CMIP: variants seen among roughly 807,000 people sequenced by gnomAD.
CMIP encodes C-Maf-inducing protein.
In CMIP, 13 loss-of-function variants were observed where a neutral mutation model predicts 97.3. The ratio of observed to expected loss-of-function variants is 0.13; its 90% CI spans 0.09 to 0.21. The LOEUF is 0.21. Among genes scored for constraint, CMIP ranks in the 10% least tolerant of loss-of-function variants. The pLI is 1.00. For synonymous variants in CMIP, 538 were observed against 436.3 expected (o/e 1.23, Z -2.91); for missense variants, 847 against 1,024.9 (o/e 0.83, Z 2.37).
At chr16:81,516,076 A>C (rs74029168) in intron 1 of CMIP, among the ~76,000 whole-genome samples, 1 of 152,058 alleles carries the variant, frequency 6.6e-6, no homozygotes, top group African/African-American at 2.4e-5. Flanking sequence ...GGGTTGCTCC[A>C]TTGCCCCCGT....
chr16:81,513,897 C>T (rs2089860472), intron 1 of CMIP, among the ~76,000 whole-genome samples: 1 of 152,254 alleles, frequency 6.6e-6, no homozygotes, highest in South Asian at 2.1e-4. Flanking sequence ...TGCTGCGCTT[C>T]CCTCAGCCTA....
intron 15 of CMIP, 137 bp from the exon 16 acceptor site, chr16:81,701,523 C>G: frequency 8.2e-7 from 1 of 1,218,732 alleles, no homozygotes; most frequent in South Asian, 1.3e-5. Context: ...GTGATTTGCC[C>G]AGGCTTACAC....
rs185785462 is a variant in CMIP at position 81,690,090 on chromosome 16, A to T, written c.1389-1685A>T. 6.6e-3 allele frequency among the ~76,000 whole-genome samples: 1,009 copies of T among 152,310 alleles called. 15 individuals are homozygous for T. The highest frequency in any genetic ancestry group is 0.023 in the African/African-American group (962 of 41,558). On this transcript the variant is annotated intron_variant, in intron 10 of 20. Transcript: ENST00000537098. Reference sequence around the variant, plus strand: ...GTAGAGTTTGAAGTCAGGTAGCGTGATGCCTCTAGCTTTGTTCTTTTGGCT... The same window carrying T: ...GTAGAGTTTGAAGTCAGGTAGCGTGTTGCCTCTAGCTTTGTTCTTTTGGCT...
intron 18 of CMIP, 69 bp from the exon 19 acceptor site, chr16:81,705,430 C>G: frequency 8.7e-7 from 1 of 1,150,028 alleles, no homozygotes. Flanking sequence ...TCCTCCACCT[C>G]TGCCCCAGCC....
chr16:81,671,580 A>G (rs1212376653), intron 8 of CMIP, among the ~76,000 whole-genome samples: 8 of 152,228 alleles, frequency 5.3e-5, no homozygotes, highest in Non-Finnish European at 2.9e-5. Context: ...ACGTATGGCC[A>G]CCATTTGCTA....
chr16:81,651,386 G>C (rs1246572121), intron 3 of CMIP: 4 of 977,150 alleles, frequency 4.1e-6, no homozygotes, highest in Non-Finnish European at 4.9e-6. Flanking sequence ...AGCAGCCCCT[G>C]TCCCAACCGC....
intron 1 of CMIP, among the ~76,000 whole-genome samples, chr16:81,581,266 T>G (rs948165636): frequency 1.4e-4 from 21 of 152,318 alleles, no homozygotes; most frequent in Admixed American, 2.6e-4. Flanking sequence ...CATGCATTGT[T>G]TCACGATGGG....
At chr16:81,620,423 A>C (rs2091977543) in intron 2 of CMIP, 1 of 157,988 alleles carries the variant, frequency 6.3e-6, no homozygotes, top group Non-Finnish European at 1.4e-5. Flanking sequence ...GTGCCACCTC[A>C]TAGGGCTGCT....
At chr16:81,622,617 T>TG (rs1238580182) in intron 3 of CMIP, among the ~76,000 whole-genome samples, 1 of 152,104 alleles carries the variant, frequency 6.6e-6, no homozygotes, top group Non-Finnish European at 1.5e-5. Context: ...AGAATGTACT[T>TG]GGAGACACAC....
chr16:81,454,595 A>G (rs79929410), intron 1 of CMIP, among the ~76,000 whole-genome samples: 419 of 152,364 alleles, frequency 2.7e-3, no homozygotes, highest in African/African-American at 8.7e-3. Context: ...CTTGAACACC[A>G]TATATTATTT....
intron 20 of CMIP, 23 bp downstream of exon 20, chr16:81,707,107 C>G (rs1342560716): frequency 1.3e-6 from 2 of 1,596,608 alleles, no homozygotes; most frequent in African/African-American, 2.7e-5. Context: ...TTCCTCCCCA[C>G]TCTCCTCCCC....
At chr16:81,699,346 A>G (rs1907120133) in intron 14 of CMIP, among the ~76,000 whole-genome samples, 1 of 152,254 alleles carries the variant, frequency 6.6e-6, no homozygotes, top group Non-Finnish European at 1.5e-5. Flanking sequence ...TTAGTATTAT[A>G]GATTTATACA....
intron 1 of CMIP, among the ~76,000 whole-genome samples, chr16:81,561,240 T>G (rs551184436): frequency 6.6e-6 from 1 of 152,228 alleles, no homozygotes; most frequent in South Asian, 2.1e-4. Context: ...CAGGCGTGAG[T>G]CAGTGTGCCT....
intron 1 of CMIP, among the ~76,000 whole-genome samples, chr16:81,513,193 C>T (rs1256777692): frequency 2.0e-5 from 3 of 152,222 alleles, no homozygotes; most frequent in Non-Finnish European, 2.9e-5. Flanking sequence ...GGAAGATTCT[C>T]CCCCTAGATC....
chr16:81,538,482 C>T (rs1249081566), intron 1 of CMIP, among the ~76,000 whole-genome samples: 1 of 152,178 alleles, frequency 6.6e-6, no homozygotes, highest in African/African-American at 2.4e-5. Flanking sequence ...TGTTTGGGGC[C>T]AGCCTGTGTC....
intron 10 of CMIP, among the ~76,000 whole-genome samples, chr16:81,688,154 G>C (rs1431778651): frequency 1.3e-5 from 2 of 151,774 alleles, no homozygotes; most frequent in East Asian, 3.9e-4. Flanking sequence ...TGGTGTGATA[G>C]AGCCTGAAAT....
In CMIP at chr16:81,627,755, C is replaced by G. The variant is rs1030050311; in HGVS notation, c.477+6829C>G. ...ATGAGGATAAAGGACCGTGCCAAAG[C>G]CAGATGCCTCCCAGCGAGGGTCACA... On this transcript the variant is annotated intron_variant, in intron 3 of 20. Transcript: ENST00000537098. The surrounding 1 kb of genome is among the most constrained non-coding windows in gnomAD (Gnocchi z 4.6). Among the ~76,000 whole-genome samples, 3 of 152,186 alleles carry G rather than the reference C, an allele frequency of 2.0e-5. No homozygotes were observed. The highest frequency in any genetic ancestry group is 2.0e-4 in the Admixed American group (3 of 15,286).
chr16:81,708,094 G>A (rs1305090277), intron 20 of CMIP, among the ~76,000 whole-genome samples: 1 of 152,350 alleles, frequency 6.6e-6, no homozygotes, highest in South Asian at 2.1e-4. Context: ...CCTTCCGGGG[G>A]ATAGTCCCTC....
chr16:81,448,719 C>T (rs937106548), intron 1 of CMIP, among the ~76,000 whole-genome samples: 3 of 152,206 alleles, frequency 2.0e-5, no homozygotes, highest in Admixed American at 1.3e-4. Context: ...ACTTTGGATC[C>T]GAAATGCTCG....
Sources: allele counts gnomAD v4.1 joint callset (sites outside exome capture counted in the v4.1 genomes callset), GRCh38; gene constraint gnomAD v4.1.1; non-coding constraint Gnocchi (gnomAD v3.1); transcripts MANE v1.5; gene names NCBI Gene and HGNC (gene_info 2026-07-23, HGNC 2026-07-21).